ANK2: variants seen among roughly 807,000 people sequenced by gnomAD.
ANK2 encodes ankyrin-2.
In ANK2, 83 loss-of-function variants were observed where a neutral mutation model predicts 360.5. The observed-to-expected ratio is 0.23, with a 90% CI of 0.19 to 0.28. The LOEUF (loss-of-function observed/expected upper bound fraction) is 0.28. Ranked by LOEUF, ANK2 falls within the 10% of genes least tolerant of loss-of-function variation. The pLI, the probability that ANK2 is intolerant of heterozygous loss-of-function variation, is 1.00. For missense variants in ANK2, 4,201 were observed against 4,795.7 expected, an observed-to-expected ratio of 0.88 and a Z score of 3.66; for synonymous variants, 1,740 against 1,759.5, an observed-to-expected ratio of 0.99 and a Z score of 0.28.
intron 26 of ANK2, 77 bp from the exon 27 acceptor site, chr4:113,330,169 G>T: frequency 7.1e-7 from 1 of 1,408,220 alleles, no homozygotes; most frequent in Non-Finnish European, 9.8e-7. Context: ...AAAGCATTAC[G>T]AAAAACAACT....
At chr4:112,716,854 AC>A in the ANK2 span, among the ~76,000 whole-genome samples, 2 of 152,202 alleles carry the variant, frequency 1.3e-5, no homozygotes. Context: ...TTACTCCAAA[AC>A]AAAACACTGC....
chr4:112,985,360 G>A (rs1322563174), intron 2 of ANK2, among the ~76,000 whole-genome samples: 1 of 152,208 alleles, frequency 6.6e-6, no homozygotes, highest in Non-Finnish European at 1.5e-5. Context: ...CTAACTGTGA[G>A]TCTATTTGCT....
chr4:113,139,206 C>T (rs2096551648), intron 1 of ANK2, among the ~76,000 whole-genome samples: 1 of 152,204 alleles, frequency 6.6e-6, no homozygotes, highest in Non-Finnish European at 1.5e-5. Context: ...TGAACAGTCA[C>T]ACCTCTTCTA....
At chr4:112,752,137 A>G in the ANK2 span, among the ~76,000 whole-genome samples, 1 of 152,204 alleles carries the variant, frequency 6.6e-6, no homozygotes, top group Non-Finnish European at 1.5e-5. Flanking sequence ...CAGGGAGTCC[A>G]TATTCTCCAC....
chr4:112,765,341 C>A, the ANK2 span, among the ~76,000 whole-genome samples: 112 of 152,272 alleles, frequency 7.4e-4, no homozygotes, highest in African/African-American at 2.5e-3. Flanking sequence ...CCTCTTTAAT[C>A]TGAACAGTTC....
intron 4 of ANK2, among the ~76,000 whole-genome samples, chr4:113,206,874 A>G (rs1007698057): frequency 1.2e-4 from 19 of 152,160 alleles, no homozygotes; most frequent in Non-Finnish European, 8.8e-5. Context: ...AAATACAAAA[A>G]TTAGCTGGGC....
chr4:112,749,618 G>A, the ANK2 span, among the ~76,000 whole-genome samples: 1 of 152,150 alleles, frequency 6.6e-6, no homozygotes, highest in Non-Finnish European at 1.5e-5. Context: ...TCACAGCAGT[G>A]TTTCCTAGGA....
chr4:112,983,360 C>A (rs1226787911), intron 2 of ANK2, among the ~76,000 whole-genome samples: 2 of 149,406 alleles, frequency 1.3e-5, no homozygotes, highest in East Asian at 4.0e-4. Context: ...AGTGTATAGA[C>A]TTCTAACATT....
chr4:113,332,192 T>G, intron 28 of ANK2, 122 bp downstream of exon 28: 4 of 900,198 alleles, frequency 4.4e-6, no homozygotes, highest in Non-Finnish European at 7.3e-6. Context: ...ATTTAAATTC[T>G]GTATAACCTA....
At chr4:112,908,594 C>G (rs951175373) in intron 2 of ANK2, among the ~76,000 whole-genome samples, 1 of 152,170 alleles carries the variant, frequency 6.6e-6, no homozygotes, top group African/African-American at 2.4e-5. Context: ...TTAGAACCTG[C>G]TTCCTGTTTA....
At chr4:112,950,406 A>T (rs2094867185) in intron 2 of ANK2, among the ~76,000 whole-genome samples, 1 of 152,110 alleles carries the variant, frequency 6.6e-6, no homozygotes, top group Non-Finnish European at 1.5e-5. Context: ...GCACTTTGGG[A>T]GGCTGAGGTG....
At chr4:112,954,208 C>A (rs2095213596) in intron 2 of ANK2, among the ~76,000 whole-genome samples, 1 of 133,250 alleles carries the variant, frequency 7.5e-6, no homozygotes, top group Non-Finnish European at 1.6e-5. Flanking sequence ...TCCTCCCCTC[C>A]CCTCCCATCC....
chr4:112,918,950 T>C (rs1308517909), intron 2 of ANK2, among the ~76,000 whole-genome samples: 1 of 152,230 alleles, frequency 6.6e-6, no homozygotes, highest in Admixed American at 6.5e-5. Context: ...GGTGGTAATA[T>C]GCTCTGCTTT....
intron 2 of ANK2, among the ~76,000 whole-genome samples, chr4:112,960,447 T>A (rs1581993648): frequency 6.6e-6 from 1 of 152,122 alleles, no homozygotes; most frequent in Non-Finnish European, 1.5e-5. Context: ...ATAAAAAGTT[T>A]CTATTTCCTT....
intron 43 of ANK2, chr4:113,372,767 T>G: frequency 1.5e-6 from 1 of 669,104 alleles, no homozygotes; most frequent in Non-Finnish European, 2.5e-6. Context: ...CTCTCATAAG[T>G]TCTGTTTGCA....
In ANK2 at chr4:113,100,806, T is replaced by C. The variant is rs999872646; in HGVS notation, c.84+50994T>C. Among the ~76,000 whole-genome samples the C allele has an allele frequency of 2.6e-5, 4 of 152,196 alleles. No individual in the cohort carries two copies. In the South Asian group the frequency reaches 8.3e-4, roughly 32 times the overall value. ...ATATTATTCAGTGACAAATGAACTA[T>C]CAAGCCACAAAAAAATATGCAGCAG... is the stretch of plus-strand genomic sequence containing the variant. On this transcript the variant is annotated intron_variant, in intron 1 of 45. Transcript: ENST00000357077.
chr4:113,296,955 A>G (rs2071924985), intron 22 of ANK2, among the ~76,000 whole-genome samples: 1 of 152,214 alleles, frequency 6.6e-6, no homozygotes. Context: ...ATAAATTAGT[A>G]AAATAAAAAT....
At chr4:113,235,930 C>T (rs1033795882) in intron 5 of ANK2, among the ~76,000 whole-genome samples, 8 of 150,988 alleles carry the variant, frequency 5.3e-5, no homozygotes, top group African/African-American at 1.5e-4. Context: ...TTAGTAGAGA[C>T]TGGGTTTCAC....
intron 1 of ANK2, among the ~76,000 whole-genome samples, chr4:112,889,725 A>G (rs1223447828): frequency 1.3e-5 from 2 of 152,316 alleles, no homozygotes; most frequent in Non-Finnish European, 2.9e-5. Flanking sequence ...CTTGAAAAGA[A>G]CTGAGTTTAT....
Sources: allele counts gnomAD v4.1 joint callset (sites outside exome capture counted in the v4.1 genomes callset), GRCh38; gene constraint gnomAD v4.1.1; transcripts MANE v1.5; gene names NCBI Gene and HGNC (gene_info 2026-07-23, HGNC 2026-07-21).